The following WAC variants were observed in gnomAD, a reference collection of about 807,000 sequenced individuals.
The protein encoded by WAC is WW domain containing adaptor with coiled-coil, also known as WW domain-containing adapter protein with coiled-coil.
A neutral mutation model predicts 79.6 loss-of-function variants in WAC; 11 were observed. That is an observed-to-expected ratio of 0.14 (90% CI 0.09 to 0.23). The LOEUF (loss-of-function observed/expected upper bound fraction) is 0.23. Among genes scored for constraint, WAC ranks in the 10% least tolerant of loss-of-function variants. The pLI is 1.00. For synonymous variants in WAC, 304 were observed against 276.9 expected, an observed-to-expected ratio of 1.10 and a Z score of -0.97; for missense variants, 728 against 773.5, an observed-to-expected ratio of 0.94 and a Z score of 0.70.
intron 3 of WAC, among the ~76,000 whole-genome samples, chr10:28,539,718 C>G (rs1836901538): frequency 6.6e-6 from 1 of 151,904 alleles, no homozygotes; most frequent in South Asian, 2.1e-4. Context: ...GCCATCATGC[C>G]CGGCTAATTT....
chr10:28,616,214 A>G lies in WAC; in HGVS notation c.1598A>G (p.Asn533Ser). 6.2e-7 allele frequency: 1 copy of G among 1,612,526 alleles called. No homozygotes were observed. The highest frequency in any genetic ancestry group is 1.3e-5 in the African/African-American group (1 of 75,042). The change falls in exon 12 of 14, where the codon AAT becomes AGT. Residue 533 changes from asparagine to serine, a missense_variant. By Grantham distance (46) the Asn-to-Ser change is conservative (BLOSUM62 1). Transcript: ENST00000354911. The part of the protein sequence containing the change: ...SPSPGPNHTS[N>S]SSNASNATVV... ...TCACCTGGTCCCAATCATACTTCTA[A>G]TAGTAGTAATGCATCAAATGCAACA...
intron 9 of WAC, 33 bp downstream of exon 9, chr10:28,610,854 G>A (rs868480690): frequency 1.3e-6 from 2 of 1,529,482 alleles, no homozygotes; most frequent in Middle Eastern, 1.7e-4. Context: ...TCTCTAGAAT[G>A]GCATCTTGAT....
chr10:28,602,688 T>C (rs922039942), intron 7 of WAC, among the ~76,000 whole-genome samples: 8 of 152,160 alleles, frequency 5.3e-5, no homozygotes, highest in African/African-American at 1.7e-4. Flanking sequence ...CAGAAAAATA[T>C]AGGTAAGAAA....
chr10:28,580,356 C>T (rs1003567957), intron 3 of WAC, among the ~76,000 whole-genome samples: 3 of 152,162 alleles, frequency 2.0e-5, no homozygotes, highest in African/African-American at 4.8e-5. Flanking sequence ...GTCACTAAAG[C>T]GGAGTGAATT....
chr10:28,609,053 A>G (rs1392163904), intron 8 of WAC, among the ~76,000 whole-genome samples: 1 of 152,230 alleles, frequency 6.6e-6, no homozygotes, highest in Non-Finnish European at 1.5e-5. Context: ...GTTAATTTGG[A>G]AACTATTCAG....
chr10:28,590,517 CA>C (rs1840031399), intron 5 of WAC, among the ~76,000 whole-genome samples: 1 of 152,056 alleles, frequency 6.6e-6, no homozygotes, highest in Non-Finnish European at 1.5e-5. Flanking sequence ...AGTGGTATAA[CA>C]ATTGGTATAA....
chr10:28,553,262 A>AGT (rs1837794697), intron 3 of WAC, among the ~76,000 whole-genome samples: 1 of 47,352 alleles, frequency 2.1e-5, no homozygotes, highest in Non-Finnish European at 3.9e-5. Context: ...TTTGTTTACA[A>AGT]ATTTTGTTTA....
intron 5 of WAC, 140 bp downstream of exon 5, chr10:28,589,991 C>T (rs2132670460): frequency 3.3e-6 from 2 of 612,988 alleles, no homozygotes; most frequent in Middle Eastern, 3.4e-4. Context: ...GTTGGTTGCC[C>T]CTTCGTGTTT....
At chr10:28,598,903 T>C (rs1020274128) in intron 7 of WAC, among the ~76,000 whole-genome samples, 3 of 152,222 alleles carry the variant, frequency 2.0e-5, no homozygotes, top group African/African-American at 7.2e-5. Context: ...CATGGAATTA[T>C]CTGTTTTTAT....
chr10:28,542,732 C>G (rs902069725), intron 3 of WAC, among the ~76,000 whole-genome samples: 2 of 152,150 alleles, frequency 1.3e-5, no homozygotes, highest in Non-Finnish European at 2.9e-5. Flanking sequence ...GCTGTGTCTG[C>G]CTTGTAAATT....
chr10:28,616,195 G>C lies in WAC; in HGVS notation c.1579G>C (p.Gly527Arg). 1 of 1,604,988 alleles carries C rather than the reference G, an allele frequency of 6.2e-7. No homozygotes were observed. Among genetic ancestry groups the C allele is most frequent in the Non-Finnish European group, 8.5e-7 (1 of 1,174,294 alleles). Reference protein sequence around the residue: ...RSSSQRSPSPGPNHTSNSSNA... With the variant: ...RSSSQRSPSPRPNHTSNSSNA... ...TAGTAGCCAGAGAAGTCCATCACCT[G>C]GTCCCAATCATACTTCTAATAGTAG... is the stretch of plus-strand genomic sequence containing the variant. Residue 527 changes from glycine to arginine, a missense_variant, in exon 12 of 14, where the codon GGT becomes CGT. Coordinates refer to ENST00000354911, the MANE Select transcript of WAC (RefSeq NM_016628.5).
chr10:28,538,212 G>A (rs1238157993), intron 3 of WAC: 26 of 169,914 alleles, frequency 1.5e-4, no homozygotes, highest in Admixed American at 1.5e-3. Context: ...CTAATGATGT[G>A]TTTGGCACTA....
rs898021261 is a variant in WAC, at chr10:28,533,183, G to A, written c.-397G>A. The A allele has an allele frequency of 1.3e-4, 23 of 172,072 alleles. No individual in the cohort carries two copies. Among genetic ancestry groups the A allele is most frequent in the African/African-American group, 3.6e-4 (15 of 41,566 alleles). 10.7% of individuals were successfully genotyped at this position (172,072 alleles called of 1,614,324 possible). The stretch of plus-strand genomic sequence containing the variant: ...CCAGCGGCGGCGGCGGCGGCGGGAG[G>A]AGGAGGAGGAGAAGAAGGACCAGGC... On this transcript the variant is annotated 5_prime_UTR_variant, in exon 1 of 14. Coordinates refer to ENST00000354911, the MANE Select transcript of WAC (RefSeq NM_016628.5).
chr10:28,619,302 G>T (rs1445328995), intron 13 of WAC, among the ~76,000 whole-genome samples: 1 of 151,994 alleles, frequency 6.6e-6, no homozygotes, highest in Non-Finnish European at 1.5e-5. Context: ...AAAATAAAAA[G>T]TTGTTTGAAA....
chr10:28,567,125 A>T (rs903132029), intron 3 of WAC, among the ~76,000 whole-genome samples: 8 of 150,578 alleles, frequency 5.3e-5, no homozygotes, highest in Admixed American at 6.6e-5. Context: ...TGCTACTTCT[A>T]ATGTGGTTTT....
chr10:28,592,680 T>C (rs1022360221), intron 6 of WAC, among the ~76,000 whole-genome samples: 1 of 152,178 alleles, frequency 6.6e-6, no homozygotes, highest in African/African-American at 2.4e-5. Flanking sequence ...AATAACTTTT[T>C]AACTTGTTTT....
chr10:28,616,941 G>A (rs1339848704), intron 12 of WAC, among the ~76,000 whole-genome samples: 1 of 152,108 alleles, frequency 6.6e-6, no homozygotes, highest in Admixed American at 6.6e-5. Context: ...AAATTAGCCA[G>A]GCATGGTGGC....
intron 3 of WAC, among the ~76,000 whole-genome samples, chr10:28,540,787 C>T (rs1024256589): frequency 3.3e-5 from 5 of 151,818 alleles, no homozygotes; most frequent in Admixed American, 2.6e-4. Flanking sequence ...TTCCATTGGT[C>T]AATTTAGAAA....
At chr10:28,558,074 G>A (rs899628388) in intron 3 of WAC, among the ~76,000 whole-genome samples, 4 of 151,322 alleles carry the variant, frequency 2.6e-5, no homozygotes, top group East Asian at 1.9e-4. Flanking sequence ...ATTCTGTCTC[G>A]GAAAAAAAAA....
Sources: gnomAD v4.1 joint callset for allele counts (sites outside exome capture counted in the v4.1 genomes callset) on GRCh38, gnomAD v4.1.1 for gene constraint, MANE v1.5 for transcripts, NCBI Gene and HGNC (gene_info 2026-07-23, HGNC 2026-07-21) for gene names.